SGSM1: variants seen among roughly 807,000 people sequenced by gnomAD.
The protein encoded by SGSM1 is RUN and TBC1 domain containing 2.
A neutral mutation model predicts 133.8 loss-of-function variants in SGSM1; 73 were observed. That is an observed-to-expected ratio of 0.55 (90% CI 0.45 to 0.66). The LOEUF is 0.66. Ranked by LOEUF, SGSM1 falls within the 30% of genes least tolerant of loss-of-function variation. The pLI is 0.00. For synonymous variants in SGSM1, 563 were observed against 573.0 expected (o/e 0.98, Z 0.25); for missense variants, 1,213 against 1,448.1 (o/e 0.84, Z 2.64).
chr22:24,921,310 G>T (rs577424307), intron 24 of SGSM1, among the ~76,000 whole-genome samples: 1 of 152,222 alleles, frequency 6.6e-6, no homozygotes, highest in Non-Finnish European at 1.5e-5. Flanking sequence ...ATGTTGGCCA[G>T]GCTAGTCTAG....
intron 9 of SGSM1, among the ~76,000 whole-genome samples, chr22:24,866,617 A>G (rs6004335): frequency 0.12 from 18,166 of 152,214 alleles, 1,149 homozygotes; most frequent in South Asian, 0.24. Flanking sequence ...GTCTTTTGAC[A>G]CCATTCTCAG....
In SGSM1 at chr22:24,838,438, G is replaced by A. The variant is rs1929597823; in HGVS notation, c.64-6459G>A. ...TAGGGAGCACAAGGAAGCAAACATG[G>A]TGAATGAGTGGGTTCCCTTCCATCT... On this transcript the variant is annotated intron_variant, in intron 2 of 24. Transcript: ENST00000400358. Among the ~76,000 whole-genome samples the A allele has an allele frequency of 2.6e-5, 4 of 152,212 alleles. No homozygotes were observed. The South Asian group carries it at 8.3e-4, about 31-fold the overall frequency.
intron 2 of SGSM1, among the ~76,000 whole-genome samples, chr22:24,823,066 C>T (rs1292408095): frequency 6.6e-6 from 1 of 152,120 alleles, no homozygotes; most frequent in Non-Finnish European, 1.5e-5. Flanking sequence ...TTGAATCTTG[C>T]CCTGCCATTT....
chr22:24,904,545 A>G (rs113356471), intron 20 of SGSM1, among the ~76,000 whole-genome samples: 1 of 146,502 alleles, frequency 6.8e-6, no homozygotes, highest in African/African-American at 2.6e-5. Flanking sequence ...ACGCCACTGC[A>G]CTCCAGCCTG....
chr22:24,820,216 G>A (rs571837324), intron 2 of SGSM1, among the ~76,000 whole-genome samples: 171 of 152,288 alleles, frequency 1.1e-3, no homozygotes, highest in Non-Finnish European at 2.1e-3. Flanking sequence ...GAATGTCCCC[G>A]AGAGAATGCC....
At chr22:24,832,069 G>A (rs544690688) in intron 2 of SGSM1, among the ~76,000 whole-genome samples, 154 of 152,322 alleles carry the variant, frequency 1.0e-3, no homozygotes, top group Non-Finnish European at 1.7e-3. Context: ...GCTGTCTTGG[G>A]GCAGGCACTC....
intron 16 of SGSM1, among the ~76,000 whole-genome samples, chr22:24,891,835 T>C (rs1364230104): frequency 6.6e-6 from 1 of 152,028 alleles, no homozygotes; most frequent in Non-Finnish European, 1.5e-5. Flanking sequence ...GAATTACTTT[T>C]CGGGCCAAGA....
chr22:24,893,357 C>T, intron 16 of SGSM1, 74 bp from the exon 17 acceptor site: 1 of 1,514,114 alleles, frequency 6.6e-7, no homozygotes, highest in Non-Finnish European at 9.0e-7. Flanking sequence ...GAGCCACTCT[C>T]TTCCACGTTG....
chr22:24,902,178 C>T (rs1353329311), intron 20 of SGSM1, among the ~76,000 whole-genome samples: 1 of 152,350 alleles, frequency 6.6e-6, no homozygotes, highest in East Asian at 1.9e-4. Context: ...GTACTATCAT[C>T]GCTCACTTAT....
intron 2 of SGSM1, among the ~76,000 whole-genome samples, chr22:24,828,140 C>T (rs1443027784): frequency 6.6e-6 from 1 of 152,068 alleles, no homozygotes; most frequent in African/African-American, 2.4e-5. Context: ...TGAGGAATCC[C>T]TTCTCATGGG....
Position 24,871,212 on chromosome 22 carries a change from G to T in SGSM1, c.1291+2357G>T, listed in dbSNP as rs183846138. ...TCTAGACATTGCCAGGTGTCCTCTG[G>T]AGGGTGGCAAAATTGCCTCTGCTTG... On this transcript the variant is annotated intron_variant, in intron 12 of 24. Coordinates refer to ENST00000400358, the MANE Select transcript of SGSM1 (RefSeq NM_001098497.3). 1.2e-4 allele frequency among the ~76,000 whole-genome samples: 19 copies of T among 152,242 alleles called. No homozygotes were observed. In the East Asian group the frequency reaches 3.5e-3, roughly 28 times the overall value.
intron 3 of SGSM1, among the ~76,000 whole-genome samples, chr22:24,846,020 T>C (rs1473447509): frequency 1.4e-5 from 2 of 142,456 alleles, no homozygotes; most frequent in Non-Finnish European, 3.0e-5. Context: ...TTCATTTCTT[T>C]CTCTCTTTCT....
chr22:24,901,735 G>A (rs1601974116), intron 19 of SGSM1, 98 bp from the exon 20 acceptor site: 1 of 1,329,008 alleles, frequency 7.5e-7, no homozygotes, highest in South Asian at 1.6e-5. Context: ...GACAACAGGA[G>A]AGGGTTAGGA....
intron 13 of SGSM1, among the ~76,000 whole-genome samples, chr22:24,878,102 C>T (rs767734309): frequency 1.8e-4 from 28 of 152,242 alleles, no homozygotes; most frequent in Middle Eastern, 3.4e-3. Context: ...TGAGCCACCG[C>T]GCCCCGCCTG....
chr22:24,847,652 T>A lies in SGSM1; in HGVS notation c.158T>A (p.Val53Asp). 6.2e-7 allele frequency: 1 copy of A among 1,613,632 alleles called. No individual in the cohort carries two copies. Among genetic ancestry groups the A allele is most frequent in the East Asian group, 2.2e-5 (1 of 44,872 alleles). The part of the protein sequence containing the change: ...ISFCAAVEAC[V>D]LHGLRRRAAG... The stretch of plus-strand genomic sequence containing the variant: ...CCTGCAGCGGCTGTGGAGGCCTGCG[T>A]TCTGCACGGGCTTCGGCGGCGGGCG... The change falls in exon 4 of 25, where the codon GTT becomes GAT. Residue 53 changes from valine (V) to aspartate (D), a missense_variant. Transcript: ENST00000400358.
intron 21 of SGSM1, among the ~76,000 whole-genome samples, chr22:24,907,334 A>G (rs1185691462): frequency 6.6e-6 from 1 of 152,068 alleles, no homozygotes; most frequent in African/African-American, 2.4e-5. Context: ...GAGTAAACTT[A>G]ACAGAAATGC....
intron 21 of SGSM1, among the ~76,000 whole-genome samples, chr22:24,909,274 G>A (rs981903772): frequency 2.6e-5 from 4 of 152,004 alleles, no homozygotes; most frequent in Admixed American, 6.6e-5. Flanking sequence ...GTTCTACATC[G>A]TTACTCATTA....
intron 2 of SGSM1, among the ~76,000 whole-genome samples, chr22:24,827,688 C>A (rs1382839933): frequency 1.3e-5 from 2 of 152,046 alleles, no homozygotes; most frequent in Non-Finnish European, 2.9e-5. Flanking sequence ...TCTCCAGGAT[C>A]TCATTCAGGC....
intron 4 of SGSM1, 147 bp downstream of exon 4, chr22:24,847,943 G>A: frequency 8.8e-7 from 1 of 1,136,406 alleles, no homozygotes; most frequent in Admixed American, 2.8e-5. Flanking sequence ...CCCACCCCAG[G>A]GTCTTTGCAC....
Sources: allele counts gnomAD v4.1 joint callset (sites outside exome capture counted in the v4.1 genomes callset), GRCh38; gene constraint gnomAD v4.1.1; transcripts MANE v1.5; gene names NCBI Gene and HGNC (gene_info 2026-07-23, HGNC 2026-07-21).